Variants in ZBTB8OS observed in about 807,000 individuals in gnomAD.
ZBTB8OS encodes the protein tRNA splicing ligase complex subunit 1, also known as tRNA-splicing ligase-activating factor archease.
ZBTB8OS carries 16 observed loss-of-function variants against 29.3 expected under a neutral mutation model. The ratio of observed to expected loss-of-function variants is 0.55; its 90% CI spans 0.37 to 0.83. ZBTB8OS has a LOEUF of 0.83. Among genes scored for constraint, ZBTB8OS ranks in the 40% least tolerant of loss-of-function variants. The pLI, the probability that ZBTB8OS is intolerant of heterozygous loss-of-function variation, is 0.00. For synonymous variants in ZBTB8OS, 70 were observed against 64.6 expected, an observed-to-expected ratio of 1.08 and a Z score of -0.40; for missense variants, 160 against 196.9, an observed-to-expected ratio of 0.81 and a Z score of 1.12.
Position 32,641,094 on chromosome 1 carries a change from C to T in ZBTB8OS, c.98-6302G>A, listed in dbSNP as rs184380800. 1.3e-3 allele frequency among the ~76,000 whole-genome samples: 197 copies of T among 151,424 alleles called. 5 individuals are homozygous for T. In the Middle Eastern group the frequency reaches 0.027, roughly 21 times the overall value. On this transcript the variant is annotated intron_variant, in intron 1 of 6. Coordinates refer to ENST00000468695, the MANE Select transcript of ZBTB8OS (RefSeq NM_178547.5). ...GGCCGAGGCAGAAGAATCCCTTGAA[C>T]CTAGAAGGTGGAGGTTGCAGTAAGC... is the stretch of plus-strand genomic sequence containing the variant.
intron 1 of ZBTB8OS, among the ~76,000 whole-genome samples, chr1:32,642,297 A>G (rs1646471245): frequency 6.6e-6 from 1 of 152,136 alleles, no homozygotes; most frequent in South Asian, 2.1e-4. Context: ...TGAGATCAGG[A>G]GTTCAAGACC....
At chr1:32,634,139 A>G in intron 2 of ZBTB8OS, 67 bp from the exon 3 acceptor site, 2 of 1,328,324 alleles carry the variant, frequency 1.5e-6, no homozygotes, top group Non-Finnish European at 2.0e-6. Flanking sequence ...GATAGCAGGC[A>G]AAGTCAAAAT....
At chr1:32,641,946 A>C (rs967791421) in intron 1 of ZBTB8OS, among the ~76,000 whole-genome samples, 3 of 151,914 alleles carry the variant, frequency 2.0e-5, no homozygotes, top group Admixed American at 6.6e-5. Flanking sequence ...AAAACAAAAC[A>C]AAACCTTTGT....
At chr1:32,634,910 T>C in intron 1 of ZBTB8OS, 118 bp from the exon 2 acceptor site, 1 of 792,176 alleles carries the variant, frequency 1.3e-6, no homozygotes. Context: ...CAAGAAAATG[T>C]GGGCCAGTCC....
At chr1:32,625,910 GC>G (rs950072801) in intron 6 of ZBTB8OS, among the ~76,000 whole-genome samples, 9 of 149,424 alleles carry the variant, frequency 6.0e-5, no homozygotes, top group Non-Finnish European at 1.2e-4. Context: ...TGCTCTTGTC[GC>G]CCAGGCTGGA....
At chr1:32,647,934 C>T (rs776537168) in intron 1 of ZBTB8OS, among the ~76,000 whole-genome samples, 9 of 152,106 alleles carry the variant, frequency 5.9e-5, no homozygotes, top group African/African-American at 1.4e-4. Flanking sequence ...AACTGACTTC[C>T]GTGAAACCAG....
At chr1:32,641,122 A>G (rs1272510699) in intron 1 of ZBTB8OS, among the ~76,000 whole-genome samples, 2 of 151,952 alleles carry the variant, frequency 1.3e-5, no homozygotes, top group Non-Finnish European at 2.9e-5. Flanking sequence ...CAGTAAGCCG[A>G]GATCGTGCCA....
intron 1 of ZBTB8OS, among the ~76,000 whole-genome samples, chr1:32,640,464 A>G (rs767991495): frequency 1.3e-5 from 2 of 152,142 alleles, no homozygotes; most frequent in Non-Finnish European, 2.9e-5. Flanking sequence ...CAATGAACTT[A>G]CCATATTGTA....
chr1:32,648,267 T>C (rs765386567), intron 1 of ZBTB8OS, among the ~76,000 whole-genome samples: 1 of 152,292 alleles, frequency 6.6e-6, no homozygotes, highest in Admixed American at 6.5e-5. Context: ...AAAGTATAAA[T>C]TGGTACAACT....
chr1:32,633,510 ATC>A (rs1645731048), intron 4 of ZBTB8OS, 133 bp downstream of exon 4: 3 of 634,208 alleles, frequency 4.7e-6, no homozygotes, highest in South Asian at 2.3e-5. Flanking sequence ...GGTCATTATA[ATC>A]TCTGCAAATC....
At chr1:32,638,768 G>A (rs1646185146) in intron 1 of ZBTB8OS, among the ~76,000 whole-genome samples, 1 of 150,466 alleles carries the variant, frequency 6.6e-6, no homozygotes, top group East Asian at 2.0e-4. Context: ...GAAAAAATTA[G>A]CTGGGGATAG....
At chr1:32,649,707 C>G (rs768243172) in intron 1 of ZBTB8OS, among the ~76,000 whole-genome samples, 4 of 151,056 alleles carry the variant, frequency 2.6e-5, no homozygotes, top group African/African-American at 9.7e-5. Context: ...GCTCGTTGCC[C>G]AGGCTGGAGT....
chr1:32,643,744 C>T (rs2148452239), intron 1 of ZBTB8OS, among the ~76,000 whole-genome samples: 2 of 152,202 alleles, frequency 1.3e-5, no homozygotes, highest in African/African-American at 4.8e-5. Context: ...ATCCGCCTGC[C>T]TCAGCCTCCC....
chr1:32,637,181 C>T (rs1425501437), intron 1 of ZBTB8OS, among the ~76,000 whole-genome samples: 1 of 152,054 alleles, frequency 6.6e-6, no homozygotes, highest in Non-Finnish European at 1.5e-5. Flanking sequence ...GCTCTTTTCC[C>T]ACAGTAGTTA....
At chr1:32,648,321 C>T (rs923885309) in intron 1 of ZBTB8OS, among the ~76,000 whole-genome samples, 6 of 152,154 alleles carry the variant, frequency 3.9e-5, no homozygotes, top group African/African-American at 1.2e-4. Flanking sequence ...GTTAAAATAT[C>T]CTTTTAAAAA....
At chr1:32,632,862 G>A (rs925837670) in intron 4 of ZBTB8OS, among the ~76,000 whole-genome samples, 3 of 152,248 alleles carry the variant, frequency 2.0e-5, no homozygotes, top group Admixed American at 6.5e-5. Flanking sequence ...TATGGTGGAG[G>A]AGGACGACAT....
intron 5 of ZBTB8OS, among the ~76,000 whole-genome samples, chr1:32,628,228 A>G (rs962110335): frequency 1.3e-5 from 2 of 151,714 alleles, no homozygotes; most frequent in Non-Finnish European, 2.9e-5. Context: ...GTGGTGGCGC[A>G]TGTCTGTAAT....
intron 1 of ZBTB8OS, among the ~76,000 whole-genome samples, chr1:32,643,429 G>C (rs1304938432): frequency 6.6e-6 from 1 of 151,226 alleles, no homozygotes; most frequent in Non-Finnish European, 1.5e-5. Flanking sequence ...GGTTCTCACT[G>C]TCTACCAAGG....
Position 32,634,012 on chromosome 1 carries a change from A to G in ZBTB8OS, c.183T>C (p.Phe61=), listed in dbSNP as rs1231538064. The G allele has an allele frequency of 6.2e-7, 1 of 1,601,322 alleles. No homozygotes were observed. The highest frequency in any genetic ancestry group is 1.8e-5 in the Admixed American group (1 of 55,266). Residue 61 remains phenylalanine (F), a synonymous_variant, in exon 3 of 7, where the codon TTT becomes TTC. Transcript: ENST00000468695. ...EAFEQCAMAM[F]GYMTDTGTVE... ...CTGTCCCAGTATCTGTCATGTAACC[A>G]AACATGGCCATTGCACATTGCTCAA... is the stretch of plus-strand genomic sequence containing the variant.
Sources: allele counts gnomAD v4.1 joint callset (sites outside exome capture counted in the v4.1 genomes callset), GRCh38; gene constraint gnomAD v4.1.1; transcripts MANE v1.5; gene names NCBI Gene and HGNC (gene_info 2026-07-23, HGNC 2026-07-21).